The following TREML4 variants were observed in gnomAD, a reference collection of about 807,000 sequenced individuals.
TREML4 encodes the protein triggering receptor expressed on myeloid cells like 4.
Under a neutral mutation model 25.4 loss-of-function variants are expected in TREML4, and 25 were observed. That is an observed-to-expected ratio of 0.98 (90% CI 0.72 to 1.37). The LOEUF is 1.37. TREML4 is among the 40% of genes most tolerant of loss of function. The pLI is 0.00. For missense variants in TREML4, 268 were observed against 236.5 expected (o/e 1.13, Z -0.87); for synonymous variants, 92 against 87.9 (o/e 1.05, Z -0.26).
At chr6:41,230,010 T>G in intron 3 of TREML4, 52 bp from the exon 4 acceptor site, 3 of 1,477,158 alleles carry the variant, frequency 2.0e-6, no homozygotes, top group Non-Finnish European at 2.8e-6. Flanking sequence ...CCCAATCCCA[T>G]TCTCTATTCT....
At chr6:41,232,435 C>G in intron 4 of TREML4, 1 of 377,562 alleles carries the variant, frequency 2.6e-6, no homozygotes, top group South Asian at 2.0e-5. Context: ...ACATTCTAGA[C>G]TAGCAGTCCC....
intron 4 of TREML4, among the ~76,000 whole-genome samples, chr6:41,230,777 T>TCA (rs1561901725): frequency 1.3e-5 from 2 of 152,170 alleles, no homozygotes; most frequent in Admixed American, 1.3e-4. Flanking sequence ...AGAAAAAGTA[T>TCA]GGCAGCTAAT....
chr6:41,235,408 A>G lies in TREML4; in HGVS notation c.507-1078A>G, dbSNP rs532695877. Among the ~76,000 whole-genome samples, 3 of 152,330 alleles carry G rather than the reference A, an allele frequency of 2.0e-5. No homozygotes were observed. The East Asian group carries it at 5.8e-4, about 29-fold the overall frequency. ...GAAAAACTGTCATGACTTGCAATTG[A>G]TGGGATCATCTACCCAGAAAAAGAA... On this transcript the variant is annotated intron_variant, in intron 4 of 5. Coordinates refer to ENST00000341495, the MANE Select transcript of TREML4 (RefSeq NM_198153.3).
At chr6:41,231,115 C>T in intron 4 of TREML4, 1 of 444,276 alleles carries the variant, frequency 2.3e-6, no homozygotes, top group Non-Finnish European at 4.6e-6. Flanking sequence ...GTTCAGGGCT[C>T]CCACAGATTC....
chr6:41,232,359 AT>A (rs1766816520), intron 4 of TREML4: 1 of 405,828 alleles, frequency 2.5e-6, no homozygotes, highest in Admixed American at 2.5e-5. Context: ...TTTTTGATTT[AT>A]AGGAATGGCA....
rs1396832140 is a variant in TREML4, at chr6:41,238,310, T to G, written c.*1291T>G. 6.6e-6 allele frequency: 1 copy of G among 152,246 alleles called. No homozygotes were observed. The allele number at this position is 152,246 out of a possible 1,614,324, so 9.4% of individuals were successfully genotyped here. A position where few individuals can be genotyped will look rare whatever the true frequency, so the allele number is the denominator to read the frequency against. On this transcript the variant is annotated 3_prime_UTR_variant, in exon 6 of 6. Transcript: ENST00000341495. Reference sequence around the variant, plus strand: ...TGGTATGTAACTTTAAATTTGAATGTATTCTTGTAAAACATCCAGTATTTT... The same window carrying G: ...TGGTATGTAACTTTAAATTTGAATGGATTCTTGTAAAACATCCAGTATTTT...
intron 1 of TREML4, 49 bp from the exon 2 acceptor site, chr6:41,228,665 C>G: frequency 1.9e-6 from 3 of 1,565,460 alleles, no homozygotes; most frequent in Non-Finnish European, 2.6e-6. Context: ...GAGGTTGGGT[C>G]CCTTCAGAGC....
chr6:41,230,012 C>G, intron 3 of TREML4, 50 bp from the exon 4 acceptor site: 1 of 1,497,728 alleles, frequency 6.7e-7, no homozygotes, highest in Non-Finnish European at 9.3e-7. Context: ...CAATCCCATT[C>G]TCTATTCTGG....
chr6:41,231,762 G>A (rs1293943929), intron 4 of TREML4, among the ~76,000 whole-genome samples: 1 of 152,182 alleles, frequency 6.6e-6, no homozygotes, highest in Non-Finnish European at 1.5e-5. Flanking sequence ...AAAAATCAAA[G>A]AGAAGTTAGG....
At chr6:41,229,898 C>A (rs10223843) in intron 3 of TREML4, among the ~76,000 whole-genome samples, 164 bp from the exon 4 acceptor site, 4,674 of 152,260 alleles carry the variant, frequency 0.031, 223 homozygotes, top group African/African-American at 0.11. Context: ...CCAGACTTGA[C>A]TTCAGCTGGT....
intron 4 of TREML4, among the ~76,000 whole-genome samples, chr6:41,234,978 A>C (rs1379149461): frequency 6.6e-6 from 1 of 152,040 alleles, no homozygotes; most frequent in Non-Finnish European, 1.5e-5. Context: ...CCTAATTACC[A>C]TTAGCTAACT....
intron 4 of TREML4, among the ~76,000 whole-genome samples, chr6:41,233,284 A>G (rs767109268): frequency 6.6e-6 from 1 of 152,244 alleles, no homozygotes; most frequent in Non-Finnish European, 1.5e-5. Flanking sequence ...ATTTAAGTGG[A>G]TTAAACTCAC....
At position 41,228,402 on chromosome 6, in the gene TREML4, G is replaced by C. The variant is rs756673717; in HGVS notation, c.-26G>C. ...GGCTCCCTTTTTTCTCCTCTCCTCC[G>C]CTGTCAGAAACAGATCTGGGCTGGA... On this transcript the variant is annotated 5_prime_UTR_variant, in exon 1 of 6. Coordinates refer to ENST00000341495, the MANE Select transcript of TREML4 (RefSeq NM_198153.3). 6.3e-7 allele frequency: 1 copy of C among 1,588,462 alleles called. No individual in the cohort carries two copies. The highest frequency in any genetic ancestry group is 1.1e-5 in the South Asian group (1 of 87,650).
At chr6:41,233,879 G>T (rs888689844) in intron 4 of TREML4, among the ~76,000 whole-genome samples, 1 of 150,952 alleles carries the variant, frequency 6.6e-6, no homozygotes, top group South Asian at 2.1e-4. Flanking sequence ...GTTACAGATT[G>T]AAAAATGTTC....
chr6:41,229,039 C>G lies in TREML4; in HGVS notation c.389C>G (p.Ser130Cys). 1 of 1,610,702 alleles carries G rather than the reference C, an allele frequency of 6.2e-7. No homozygotes were observed. The highest frequency in any genetic ancestry group is 8.5e-7 in the Non-Finnish European group (1 of 1,177,712). The change falls in exon 2 of 6, where the codon TCT (serine) becomes TGT (cysteine). Residue 130 changes from serine to cysteine, a missense_variant. Coordinates refer to ENST00000341495, the MANE Select transcript of TREML4 (RefSeq NM_198153.3). ...TVLRNISLVV[S>C]PAPTTSPMWT... ...CTTAGAAATATCAGCCTGGTGGTGT[C>G]TCCAGGTGAGCTCTTTTCTTGAGGA...
chr6:41,231,835 A>C (rs920707282), intron 4 of TREML4, among the ~76,000 whole-genome samples: 2 of 152,186 alleles, frequency 1.3e-5, no homozygotes, highest in Non-Finnish European at 2.9e-5. Context: ...GTGGGAGATA[A>C]AGGATGAAAG....
Position 41,228,729 on chromosome 6 carries a change from G to T in TREML4, c.79G>T (p.Glu27Ter). Residue 27 changes from glutamate (E) to a stop codon, truncating the protein, a stop_gained, in exon 2 of 6, where the codon GAA (glutamate) becomes TAA (stop). Coordinates refer to ENST00000341495, the MANE Select transcript of TREML4 (RefSeq NM_198153.3). LOFTEE classifies it high-confidence loss of function. ...CSWPQGAVPEELHKHPGQTLL... is the reference protein window; with the variant it reads ...CSWPQGAVPE ...CTGGGTAAAGGGTGCTGTGCCTGAAGAACTTCACAAACACCCAGGACAGAC... is the reference window on the plus strand; with the variant it reads ...CTGGGTAAAGGGTGCTGTGCCTGAATAACTTCACAAACACCCAGGACAGAC... The T allele has an allele frequency of 6.2e-7, 1 of 1,613,266 alleles. No individual in the cohort carries two copies.
intron 4 of TREML4, chr6:41,231,040 T>G (rs961969977): frequency 2.6e-6 from 1 of 380,910 alleles, no homozygotes; most frequent in African/African-American, 2.1e-5. Flanking sequence ...GATAATTGAA[T>G]GGCTAATGAT....
chr6:41,229,403 C>T, intron 2 of TREML4, 118 bp from the exon 3 acceptor site: 1 of 1,096,146 alleles, frequency 9.1e-7, no homozygotes, highest in East Asian at 2.4e-5. Context: ...CAGACCACTC[C>T]TGGCTTAAGA....
Sources: allele counts gnomAD v4.1 joint callset (sites outside exome capture counted in the v4.1 genomes callset), GRCh38; gene constraint gnomAD v4.1.1; transcripts MANE v1.5; gene names NCBI Gene and HGNC (gene_info 2026-07-23, HGNC 2026-07-21).